The following ST8SIA1 variants were observed in gnomAD, a reference collection of about 807,000 sequenced individuals.
ST8SIA1 encodes alpha-N-acetylneuraminide alpha-2,8-sialyltransferase.
In ST8SIA1, 16 loss-of-function variants were observed where a neutral mutation model predicts 35.9. That is an observed-to-expected ratio of 0.45 (90% CI 0.30 to 0.68). The LOEUF (loss-of-function observed/expected upper bound fraction) is 0.68, where lower values mean the gene tolerates loss of function less well. Ranked by LOEUF, ST8SIA1 falls within the 30% of genes least tolerant of loss-of-function variation. The pLI is 0.09. For synonymous variants in ST8SIA1, 170 were observed against 169.6 expected, an observed-to-expected ratio of 1.00 and a Z score of -0.02; for missense variants, 383 against 453.6, an observed-to-expected ratio of 0.84 and a Z score of 1.41.
chr12:22,249,061 C>G lies in ST8SIA1; in HGVS notation c.529G>C (p.Asp177His). ...ACTAACTGACTTTTGGATCCAACAT[C>G]CTTAGTGTATTCACTTGACAAAGGA... ...LPPLSSEYTK[D>H]VGSKSQLVTA... Residue 177 changes from aspartate to histidine, a missense_variant, in exon 4 of 5, where the codon GAT (aspartate) becomes CAT (histidine). Asp to His is a moderately conservative substitution (Grantham distance 81). Transcript: ENST00000396037. 6.2e-7 allele frequency: 1 copy of G among 1,613,826 alleles called. No homozygotes were observed. The highest frequency in any genetic ancestry group is 1.1e-5 in the South Asian group (1 of 91,064).
chr12:22,321,019 AAAG>A (rs1202760738), intron 1 of ST8SIA1, among the ~76,000 whole-genome samples: 13,978 of 84,126 alleles, frequency 0.17, 1,104 homozygotes, highest in Middle Eastern at 0.26. Context: ...AGAAAGAAAG[AAAG>A]AAAGAAAGAA....
chr12:22,218,783 G>A (rs1865263452), intron 4 of ST8SIA1, among the ~76,000 whole-genome samples: 1 of 151,622 alleles, frequency 6.6e-6, no homozygotes, highest in East Asian at 1.9e-4. Context: ...TTGAGCCACT[G>A]CACTCTAGCC....
At chr12:22,292,048 A>G (rs1367346162) in intron 1 of ST8SIA1, among the ~76,000 whole-genome samples, 1 of 152,168 alleles carries the variant, frequency 6.6e-6, no homozygotes, top group Non-Finnish European at 1.5e-5. Context: ...CACTCAAAAC[A>G]TTAGACAAAA....
At chr12:22,304,027 T>C (rs2193179) in intron 1 of ST8SIA1, among the ~76,000 whole-genome samples, 89,445 of 152,066 alleles carry the variant, frequency 0.59, 27,054 homozygotes, top group Middle Eastern at 0.74. Flanking sequence ...ATGGCTGTCG[T>C]CTCACGCTGC....
chr12:22,210,224 T>C (rs1028254781), intron 4 of ST8SIA1, among the ~76,000 whole-genome samples: 19 of 152,022 alleles, frequency 1.2e-4, no homozygotes, highest in African/African-American at 4.1e-4. Flanking sequence ...ATACATATCA[T>C]AAAAGATAAA....
intron 3 of ST8SIA1, among the ~76,000 whole-genome samples, chr12:22,254,134 T>C (rs35848576): frequency 0.23 from 34,568 of 152,110 alleles, 4,156 homozygotes; most frequent in Middle Eastern, 0.3. Context: ...ACTTGGTTCA[T>C]AGTCATTTCC....
chr12:22,227,520 C>T lies in ST8SIA1; in HGVS notation c.584+21486G>A, dbSNP rs185993206. 3.9e-5 allele frequency among the ~76,000 whole-genome samples: 6 copies of T among 151,976 alleles called. No individual in the cohort carries two copies. In the East Asian group the frequency reaches 5.9e-4, roughly 15 times the overall value. On this transcript the variant is annotated intron_variant, in intron 4 of 4. Transcript: ENST00000396037. Reference sequence around the variant, plus strand: ...CCCGGAGATGGAGGTTGCAGTTAGCCGAGATCGTGCCATTGCACTCCAGCC... The same window carrying T: ...CCCGGAGATGGAGGTTGCAGTTAGCTGAGATCGTGCCATTGCACTCCAGCC...
In ST8SIA1 at chr12:22,287,023, A is replaced by C. The variant is rs1866108699; in HGVS notation, c.381+126T>G. The C allele has an allele frequency of 5.8e-6, 5 of 857,412 alleles. 1 individual carries two copies. In the Admixed American group the frequency reaches 1.4e-4, roughly 24 times the overall value. The allele number at this position is 857,412 out of a possible 1,614,324, so 53.1% of individuals were successfully genotyped here. A position where few individuals can be genotyped will look rare whatever the true frequency, so the allele number is the denominator to read the frequency against. The stretch of plus-strand genomic sequence containing the variant: ...ACACAGATGACAGATATAAAGAAAA[A>C]CATTTAAAGAGAGAAGAAAGAAAAC... On this transcript the variant is annotated intron_variant, in intron 2 of 4. Transcript: ENST00000396037.
At chr12:22,263,408 C>A (rs1278957335) in intron 2 of ST8SIA1, among the ~76,000 whole-genome samples, 1 of 152,134 alleles carries the variant, frequency 6.6e-6, no homozygotes, top group African/African-American at 2.4e-5. Context: ...CTTTTATCTG[C>A]AGCCTACATT....
At chr12:22,310,661 A>G (rs1866438218) in intron 1 of ST8SIA1, among the ~76,000 whole-genome samples, 1 of 152,254 alleles carries the variant, frequency 6.6e-6, no homozygotes, top group South Asian at 2.1e-4. Flanking sequence ...CAATAACAAC[A>G]TAAAAGCAAA....
Position 22,201,435 on chromosome 12 carries a change from T to TC in ST8SIA1, c.*116dup. On this transcript the variant is annotated 3_prime_UTR_variant, in exon 5 of 5. Coordinates refer to ENST00000396037, the MANE Select transcript of ST8SIA1 (RefSeq NM_003034.4). Reference sequence around the variant, plus strand: ...TTTGCTTGGATCTTCATTGCTCCTTTCCTGTTTTTCCAAGGGCCCATGCAA... The same window carrying TC: ...TTTGCTTGGATCTTCATTGCTCCTTTCCCTGTTTTTCCAAGGGCCCATGCAA... 1 of 1,381,736 alleles carries TC rather than the reference T, an allele frequency of 7.2e-7. No homozygotes were observed. Among genetic ancestry groups the TC allele is most frequent in the Non-Finnish European group, 9.7e-7 (1 of 1,026,060 alleles). The allele number at this position is 1,381,736 out of a possible 1,614,324, so 85.6% of individuals were successfully genotyped here.
intron 1 of ST8SIA1, among the ~76,000 whole-genome samples, chr12:22,292,959 G>T (rs1210158810): frequency 1.3e-5 from 2 of 152,208 alleles, no homozygotes; most frequent in African/African-American, 4.8e-5. Flanking sequence ...AAAAAAGACA[G>T]TGTTAGAGAA....
chr12:22,226,503 CT>C (rs879840303), intron 4 of ST8SIA1, among the ~76,000 whole-genome samples: 102 of 146,892 alleles, frequency 6.9e-4, no homozygotes, highest in Middle Eastern at 3.6e-3. Flanking sequence ...GCTGTTAAAA[CT>C]TTTTTTTTTT....
At chr12:22,308,548 A>T (rs1416319337) in intron 1 of ST8SIA1, among the ~76,000 whole-genome samples, 11 of 152,228 alleles carry the variant, frequency 7.2e-5, no homozygotes, top group Admixed American at 5.9e-4. Flanking sequence ...TTCAAATATG[A>T]CATCTCTTCA....
intron 4 of ST8SIA1, among the ~76,000 whole-genome samples, chr12:22,214,065 T>C (rs1565568453): frequency 6.6e-6 from 1 of 152,234 alleles, no homozygotes; most frequent in East Asian, 1.9e-4. Flanking sequence ...TTATCCAAAT[T>C]TGAACATGTT....
At position 22,327,778 on chromosome 12, in the gene ST8SIA1, C is replaced by T. The variant is rs1866701215; in HGVS notation, c.236+6219G>A. 4.6e-5 allele frequency among the ~76,000 whole-genome samples: 7 copies of T among 152,156 alleles called. No individual in the cohort carries two copies. In the South Asian group the frequency reaches 1.5e-3, roughly 32 times the overall value. On this transcript the variant is annotated intron_variant, in intron 1 of 4. Transcript: ENST00000396037. Reference sequence around the variant, plus strand: ...TCTCCTGACCCTCCCTAACCAAGACCTGTCTATCAAGTACAGTTCATTCAG... The same window carrying T: ...TCTCCTGACCCTCCCTAACCAAGACTTGTCTATCAAGTACAGTTCATTCAG...
intron 2 of ST8SIA1, among the ~76,000 whole-genome samples, chr12:22,277,129 C>T (rs1364119787): frequency 6.6e-6 from 1 of 152,106 alleles, no homozygotes; most frequent in Non-Finnish European, 1.5e-5. Flanking sequence ...GTAGAATTTC[C>T]TTATTTTTAA....
Position 22,278,830 on chromosome 12 carries a change from ATGT to A in ST8SIA1, c.381+8316_381+8318del, listed in dbSNP as rs1865999944. ...TGCATAATAATTTTCAGAGTATAAA[ATGT>A]TGTCTTACCCTCAAAAAGCACTTTT... On this transcript the variant is annotated intron_variant, in intron 2 of 4. Transcript: ENST00000396037. Among the ~76,000 whole-genome samples the A allele has an allele frequency of 7.2e-5, 11 of 152,312 alleles. No individual in the cohort carries two copies. In the South Asian group the frequency reaches 1.9e-3, roughly 26 times the overall value.
intron 1 of ST8SIA1, among the ~76,000 whole-genome samples, chr12:22,315,176 T>G (rs1286320835): frequency 1.3e-5 from 2 of 151,984 alleles, no homozygotes; most frequent in African/African-American, 4.8e-5. Flanking sequence ...GCTGTCCTCA[T>G]AGTAGAAACT....
Sources: allele counts gnomAD v4.1 joint callset (sites outside exome capture counted in the v4.1 genomes callset), GRCh38; gene constraint gnomAD v4.1.1; transcripts MANE v1.5; gene names NCBI Gene and HGNC (gene_info 2026-07-23, HGNC 2026-07-21).